MIB1: variants seen among roughly 807,000 people sequenced by gnomAD.
MIB1 encodes the protein MIB E3 ubiquitin protein ligase 1.
In MIB1, 278 loss-of-function variants were observed where a neutral mutation model predicts 124.5. The observed-to-expected ratio is 2.23, with a 90% confidence interval of 2.02 to 2.47. MIB1 has a LOEUF of 2.47. Ranked by LOEUF, MIB1 falls within the 30% of genes most tolerant of loss-of-function variation. The pLI, the probability that MIB1 is intolerant of heterozygous loss-of-function variation, is 0.00. For missense variants in MIB1, 957 were observed against 1,254.4 expected (o/e 0.76, Z 3.58); for synonymous variants, 446 against 429.4 (o/e 1.04, Z -0.48).
intron 12 of MIB1, among the ~76,000 whole-genome samples, chr18:21,824,249 G>T (rs1260890873): frequency 6.6e-6 from 1 of 152,114 alleles, no homozygotes; most frequent in Admixed American, 6.5e-5. Context: ...TTTCACAGGC[G>T]TTTCTTATTT....
chr18:21,842,550 A>G (rs1201427928), intron 13 of MIB1, among the ~76,000 whole-genome samples: 2 of 152,202 alleles, frequency 1.3e-5, no homozygotes, highest in Admixed American at 1.3e-4. Context: ...ATTAGGGTTC[A>G]GCTGTTCTCA....
intron 1 of MIB1, among the ~76,000 whole-genome samples, chr18:21,721,232 G>A (rs1319979531): frequency 8.1e-6 from 1 of 124,132 alleles, no homozygotes; most frequent in Non-Finnish European, 1.6e-5. Flanking sequence ...CCAGGCTGGA[G>A]TGCGATGGTG....
chr18:21,734,478 TTCTCTC>T (rs60128500), intron 1 of MIB1, among the ~76,000 whole-genome samples: 3 of 149,202 alleles, frequency 2.0e-5, no homozygotes, highest in Non-Finnish European at 4.4e-5. Context: ...CTCTCTCTCT[TTCTCTC>T]TCTCTCTCTC....
chr18:21,840,653 ATATATATATATATTT>A (rs1348743622), intron 13 of MIB1, among the ~76,000 whole-genome samples: 21 of 27,940 alleles, frequency 7.5e-4, no homozygotes, highest in South Asian at 3.8e-3. Context: ...ATATATATAT[ATATATATATATATTT>A]TTTTTTTTTT....
intron 1 of MIB1, among the ~76,000 whole-genome samples, chr18:21,727,094 C>T (rs868028184): frequency 2.0e-5 from 3 of 152,098 alleles, no homozygotes; most frequent in Non-Finnish European, 4.4e-5. Flanking sequence ...AGTAAACCCT[C>T]CTAGGAGACT....
intron 12 of MIB1, among the ~76,000 whole-genome samples, chr18:21,834,857 T>C (rs918240285): frequency 2.0e-5 from 3 of 152,230 alleles, no homozygotes; most frequent in Admixed American, 6.5e-5. Flanking sequence ...GTGTGGACTT[T>C]GGTTAATAAC....
Position 21,866,809 on chromosome 18 carries a change from G to T in MIB1, c.*2143G>T, listed in dbSNP as rs1415623216. 2.6e-5 allele frequency: 4 copies of T among 152,318 alleles called. No individual in the cohort carries two copies. The highest frequency in any genetic ancestry group is 4.4e-5 in the Non-Finnish European group (3 of 68,022). 9.4% of individuals were successfully genotyped at this position (152,318 alleles called of 1,614,324 possible). A position where few individuals can be genotyped will look rare whatever the true frequency, so the allele number is the denominator to read the frequency against. On this transcript the variant is annotated 3_prime_UTR_variant, in exon 21 of 21. Coordinates refer to ENST00000261537, the MANE Select transcript of MIB1 (RefSeq NM_020774.4). ...ATAATTTTAGTGCTAGTACTTGTGG[G>T]TTTTCTGTATTTGTATCACCTTGAA...
At position 21,741,448 on chromosome 18, in the gene MIB1, T is replaced by G. The variant is rs1194173884; in HGVS notation, c.-136T>G. On this transcript the variant is annotated 5_prime_UTR_variant, in exon 1 of 21. Coordinates refer to ENST00000261537, the MANE Select transcript of MIB1 (RefSeq NM_020774.4). The surrounding 1 kb of genome is among the most constrained non-coding windows in gnomAD (Gnocchi z 5.4). Reference sequence around the variant, plus strand: ...ACCGCGCCGCCGCCCCCGTGAGTTATTCTCACGTCCCCCGGGGCTCGCTGC... The same window carrying G: ...ACCGCGCCGCCGCCCCCGTGAGTTAGTCTCACGTCCCCCGGGGCTCGCTGC... 1 of 419,230 alleles carries G rather than the reference T, an allele frequency of 2.4e-6. No homozygotes were observed. The highest frequency in any genetic ancestry group is 3.7e-6 in the Non-Finnish European group (1 of 268,878). 26.0% of individuals were successfully genotyped at this position (419,230 alleles called of 1,614,324 possible).
chr18:21,818,607 C>G (rs2041851337), intron 11 of MIB1, among the ~76,000 whole-genome samples: 1 of 152,046 alleles, frequency 6.6e-6, no homozygotes, highest in African/African-American at 2.4e-5. Flanking sequence ...AGTTCAAGAC[C>G]AGCATGGGCA....
intron 16 of MIB1, among the ~76,000 whole-genome samples, chr18:21,848,502 G>A (rs1054188942): frequency 6.6e-6 from 1 of 152,120 alleles, no homozygotes; most frequent in African/African-American, 2.4e-5. Context: ...AATTATTGCA[G>A]TAATAACTTT....
At chr18:21,735,402 G>A (rs2040791967) in intron 1 of MIB1, among the ~76,000 whole-genome samples, 1 of 151,902 alleles carries the variant, frequency 6.6e-6, no homozygotes, top group Non-Finnish European at 1.5e-5. Context: ...CGGTGCCTAC[G>A]CCACCAGGGC....
At chr18:21,709,016 C>A (rs1345507164) in intron 1 of MIB1, among the ~76,000 whole-genome samples, 1 of 152,062 alleles carries the variant, frequency 6.6e-6, no homozygotes, top group East Asian at 1.9e-4. Context: ...GGGAACAATG[C>A]CTTTAAAAGT....
chr18:21,851,434 A>G (rs2042179177), intron 17 of MIB1, among the ~76,000 whole-genome samples: 1 of 152,144 alleles, frequency 6.6e-6, no homozygotes, highest in Non-Finnish European at 1.5e-5. Context: ...TAAATTTATA[A>G]TCTATAGAAA....
At chr18:21,798,448 G>A (rs1433423380) in intron 8 of MIB1, among the ~76,000 whole-genome samples, 1 of 151,958 alleles carries the variant, frequency 6.6e-6, no homozygotes, top group Non-Finnish European at 1.5e-5. Context: ...GTACTCCCTG[G>A]AGAAGTTCCA....
chr18:21,768,052 A>G (rs1481296894), intron 2 of MIB1, among the ~76,000 whole-genome samples: 1 of 152,130 alleles, frequency 6.6e-6, no homozygotes, highest in Admixed American at 6.6e-5. Context: ...GAGTCAACCA[A>G]AGTCCCTGCC....
chr18:21,798,148 G>A lies in MIB1; in HGVS notation c.1157G>A (p.Cys386Tyr). Reference sequence around the variant, plus strand: ...GACAGTGATTTAAAGGTGGAAGTTTGTGGAACATCTTGGACATACAATCCA... The same window carrying A: ...GACAGTGATTTAAAGGTGGAAGTTTATGGAACATCTTGGACATACAATCCA... ...YSDSDLKVEV[C>Y]GTSWTYNPAA... The change falls in exon 8 of 21, where the codon TGT becomes TAT. Residue 386 changes from cysteine (C) to tyrosine (Y), a missense_variant. Cys to Tyr is a radical substitution (Grantham distance 194). Transcript: ENST00000261537. 1 of 1,613,372 alleles carries A rather than the reference G, an allele frequency of 6.2e-7. No homozygotes were observed. The highest frequency in any genetic ancestry group is 8.5e-7 in the Non-Finnish European group (1 of 1,179,466).
At position 21,741,383 on chromosome 18, in the gene MIB1, C is replaced by T; in HGVS notation, c.-201C>T. On this transcript the variant is annotated 5_prime_UTR_variant, in exon 1 of 21. Transcript: ENST00000261537. The surrounding 1 kb of genome is among the most constrained non-coding windows in gnomAD (Gnocchi z 5.4). ...CGCCCTCCACTCCGAGCGGGGGGCG[C>T]GGCGGCGACAGCTGGGCAGCGGCTT... 1 of 217,302 alleles carries T rather than the reference C, an allele frequency of 4.6e-6. No homozygotes were observed. The highest frequency in any genetic ancestry group is 8.9e-6 in the Non-Finnish European group (1 of 112,944). 13.5% of individuals were successfully genotyped at this position (217,302 alleles called of 1,614,324 possible). A position where few individuals can be genotyped will look rare whatever the true frequency, so the allele number is the denominator to read the frequency against.
chr18:21,802,713 C>A (rs1568208340), intron 9 of MIB1, among the ~76,000 whole-genome samples: 1 of 152,166 alleles, frequency 6.6e-6, no homozygotes, highest in Non-Finnish European at 1.5e-5. Flanking sequence ...TAAGAGGGGA[C>A]AAATCTCCAA....
chr18:21,817,502 C>T (rs531775571), intron 11 of MIB1: 2 of 193,206 alleles, frequency 1.0e-5, no homozygotes, highest in Admixed American at 5.7e-5. Context: ...ATAATAGTGG[C>T]TTATTGGCTT....
Sources: gnomAD v4.1 joint callset for allele counts (sites outside exome capture counted in the v4.1 genomes callset) on GRCh38, gnomAD v4.1.1 for gene constraint, Gnocchi (gnomAD v3.1) non-coding constraint, MANE v1.5 for transcripts, NCBI Gene and HGNC (gene_info 2026-07-23, HGNC 2026-07-21) for gene names.